Variants in BSN observed in about 807,000 individuals in gnomAD.
BSN encodes the protein protein bassoon.
Under a neutral mutation model 264.8 loss-of-function variants are expected in BSN, and 57 were observed. The observed-to-expected ratio is 0.22, with a 90% CI of 0.17 to 0.27. The LOEUF (loss-of-function observed/expected upper bound fraction) is 0.27, where lower values mean the gene tolerates loss of function less well. Ranked by LOEUF, BSN falls within the 10% of genes least tolerant of loss-of-function variation. BSN has a pLI of 1.00. For synonymous variants in BSN, 2,059 were observed against 2,137.3 expected (o/e 0.96, Z 1.01); for missense variants, 4,615 against 5,232.5 (o/e 0.88, Z 3.64).
At chr3:49,614,989 G>A (rs984655116) in intron 1 of BSN, among the ~76,000 whole-genome samples, 4 of 152,162 alleles carry the variant, frequency 2.6e-5, no homozygotes, top group Non-Finnish European at 5.9e-5. Flanking sequence ...GATGCTGGCA[G>A]CTTCTTCTAG....
chr3:49,592,626 CTGT>C (rs2051987950), intron 1 of BSN, among the ~76,000 whole-genome samples: 1 of 151,208 alleles, frequency 6.6e-6, no homozygotes, highest in South Asian at 2.1e-4. Flanking sequence ...TGGCGGGCGC[CTGT>C]AGTCCCAGCT....
chr3:49,656,323 C>G lies in BSN; in HGVS notation c.6767C>G (p.Thr2256Arg). The G allele has an allele frequency of 6.2e-7, 1 of 1,612,832 alleles. No individual in the cohort carries two copies. The highest frequency in any genetic ancestry group is 8.5e-7 in the Non-Finnish European group (1 of 1,179,752). The change falls in exon 5 of 12, where the codon ACA (threonine) becomes AGA (arginine). Residue 2256 changes from threonine to arginine, a missense_variant. Physicochemically the swap from Thr to Arg is moderately conservative, Grantham distance 71. Transcript: ENST00000296452. ...GCCCCCCGGGTACCTCTTGGACCCA[C>G]AGGGCTGTACCGCTATCCTGCACCA... ...MIAPRVPLGP[T>R]GLYRYPAPSR... is the part of the protein sequence containing the mutation.
chr3:49,661,627 G>A lies in BSN; in HGVS notation c.9782G>A (p.Ser3261Asn), dbSNP rs772079453. The change falls in exon 6 of 12, where the codon AGC becomes AAC. Residue 3261 changes from serine (S) to asparagine (N), a missense_variant. Physicochemically the swap from Ser to Asn is conservative, Grantham distance 46. Transcript: ENST00000296452. ...CGGCTGGAGCCCCTGGGGCCAGGCAGCAGTGGGCGTCCAGGGAAGGAGCCT... is the reference window on the plus strand; with the variant it reads ...CGGCTGGAGCCCCTGGGGCCAGGCAACAGTGGGCGTCCAGGGAAGGAGCCT... ...SQRLEPLGPGSSGRPGKEPGE... is the reference protein window; with the variant it reads ...SQRLEPLGPGNSGRPGKEPGE... 1 of 1,613,570 alleles carries A rather than the reference G, an allele frequency of 6.2e-7. No individual in the cohort carries two copies. Among genetic ancestry groups the A allele is most frequent in the South Asian group, 1.1e-5 (1 of 91,092 alleles).
chr3:49,579,154 ATTTTT>A (rs111577896), intron 1 of BSN, among the ~76,000 whole-genome samples: 1 of 141,808 alleles, frequency 7.1e-6, no homozygotes, highest in Non-Finnish European at 1.6e-5. Flanking sequence ...TGCCTGGCTA[ATTTTT>A]TTTTTTTTTT....
intron 1 of BSN, among the ~76,000 whole-genome samples, chr3:49,606,185 A>ATTATATATACATATATTATATATG (rs2052141516): frequency 6.1e-5 from 3 of 48,986 alleles, no homozygotes; most frequent in South Asian, 6.0e-4. Flanking sequence ...ATATGTATAT[A>ATTATATATACATATATTATATATG]TATTATATAT....
At chr3:49,664,905 T>TGG in intron 10 of BSN, 52 bp downstream of exon 10, 80 of 406,978 alleles carry the variant, frequency 2.0e-4, no homozygotes, top group East Asian at 4.4e-4. Context: ...CCCGAGGCAC[T>TGG]GGGGGTGGGG....
chr3:49,588,204 G>A (rs531041742), intron 1 of BSN, among the ~76,000 whole-genome samples: 5 of 152,178 alleles, frequency 3.3e-5, no homozygotes, highest in Admixed American at 3.3e-4. Context: ...TTACAGGTGT[G>A]AGCCACTGCA....
Position 49,663,468 on chromosome 3 carries a change from G to A in BSN, c.11310G>A (p.Gly3770=). Residue 3770 remains glycine (G), a synonymous_variant, in exon 7 of 12, where the codon GGG becomes GGA. Transcript: ENST00000296452. ...CATCATCCAGGCAAATACCCTCTGGGGCAGCATCACGCCAGCCACAGACAC... is the reference window on the plus strand; with the variant it reads ...CATCATCCAGGCAAATACCCTCTGGAGCAGCATCACGCCAGCCACAGACAC... ...QSPSSRQIPS[G]AASRQPQTQQ... The A allele has an allele frequency of 5.0e-6, 8 of 1,612,886 alleles. No homozygotes were observed. The highest frequency in any genetic ancestry group is 6.8e-6 in the Non-Finnish European group (8 of 1,179,986).
At chr3:49,621,927 A>G (rs1298157792) in intron 1 of BSN, among the ~76,000 whole-genome samples, 2 of 152,148 alleles carry the variant, frequency 1.3e-5, no homozygotes, top group African/African-American at 2.4e-5. Flanking sequence ...TGCTGTAAAG[A>G]AGAGGAGAGA....
At chr3:49,673,087 C>CTT (rs71080543), downstream of BSN, among the ~76,000 whole-genome samples, 350 of 43,202 alleles carry the variant, frequency 8.1e-3, 66 homozygotes, top group African/African-American at 0.026. Flanking sequence ...CCGGCCGGGA[C>CTT]TTTTTTTTTT....
At chr3:49,579,654 C>G (rs1489888305) in intron 1 of BSN, among the ~76,000 whole-genome samples, 2 of 151,912 alleles carry the variant, frequency 1.3e-5, no homozygotes, top group Non-Finnish European at 2.9e-5. Flanking sequence ...AACTCCTGAC[C>G]TCATGATCCA....
At chr3:49,611,339 T>G (rs2052205254) in intron 1 of BSN, among the ~76,000 whole-genome samples, 1 of 152,218 alleles carries the variant, frequency 6.6e-6, no homozygotes, top group African/African-American at 2.4e-5. Flanking sequence ...TCTCCCGATT[T>G]GAGCTTCCTA....
rs1559615475 is a variant in BSN at position 49,653,819 on chromosome 3, C to T, written c.4263C>T (p.His1421=). ...SPSSTAHSYG[H]SPTTANYGSQ... ...CTTCCACAGCCCACAGCTATGGACA[C>T]AGCCCAACCACTGCAAACTATGGGT... is the stretch of plus-strand genomic sequence containing the variant. Residue 1421 remains histidine (H), a synonymous_variant, in exon 5 of 12, where the codon CAC becomes CAT. Transcript: ENST00000296452. The surrounding 1 kb of genome is among the most constrained non-coding windows in gnomAD (Gnocchi z 6.3). The T allele has an allele frequency of 6.2e-7, 1 of 1,614,186 alleles. No homozygotes were observed. Among genetic ancestry groups the T allele is most frequent in the Non-Finnish European group, 8.5e-7 (1 of 1,180,034 alleles).
intron 6 of BSN, 36 bp from the exon 7 acceptor site, chr3:49,662,840 C>T (rs761948432): frequency 2.4e-5 from 37 of 1,526,028 alleles, no homozygotes; most frequent in Admixed American, 4.3e-5. Context: ...GCGGCTAGCC[C>T]GGGGGTTGAT....
In BSN at chr3:49,576,925, ACT is replaced by A. The variant is rs554750219; in HGVS notation, c.224+22101_224+22102del. Among the ~76,000 whole-genome samples the A allele has an allele frequency of 2.2e-4, 33 of 152,178 alleles. 1 individual carries two copies. Among genetic ancestry groups the A allele is most frequent in the Admixed American group, 1.4e-3 (22 of 15,282 alleles). ...ATATGCTGCCTGTGTCCCTTCAGAGACTCAACCCCAATCCGGAAGGAGGGTGG... is the reference window on the plus strand; with the variant it reads ...ATATGCTGCCTGTGTCCCTTCAGAGACAACCCCAATCCGGAAGGAGGGTGG... On this transcript the variant is annotated intron_variant, in intron 1 of 11. Coordinates refer to ENST00000296452, the MANE Select transcript of BSN (RefSeq NM_003458.4).
intron 1 of BSN, among the ~76,000 whole-genome samples, chr3:49,600,816 A>G (rs2052068140): frequency 6.6e-6 from 1 of 151,738 alleles, no homozygotes; most frequent in Non-Finnish European, 1.5e-5. Context: ...AAAAATAAAT[A>G]AGTAAATAAA....
At chr3:49,611,478 C>T (rs2052206249) in intron 1 of BSN, among the ~76,000 whole-genome samples, 1 of 152,150 alleles carries the variant, frequency 6.6e-6, no homozygotes, top group Non-Finnish European at 1.5e-5. Context: ...GTGACTTGGG[C>T]TGCATCAGAA....
intron 1 of BSN, among the ~76,000 whole-genome samples, chr3:49,571,728 C>T (rs188103903): frequency 1.3e-5 from 2 of 152,224 alleles, no homozygotes; most frequent in Non-Finnish European, 2.9e-5. Flanking sequence ...AACAAGCCGA[C>T]ATGTTCTAGA....
At chr3:49,639,096 T>G (rs2052441179) in intron 2 of BSN, among the ~76,000 whole-genome samples, 1 of 152,208 alleles carries the variant, frequency 6.6e-6, no homozygotes, top group African/African-American at 2.4e-5. Context: ...GAATGACCTT[T>G]CTAAAGAGGT....
Sources: allele counts gnomAD v4.1 joint callset (sites outside exome capture counted in the v4.1 genomes callset), GRCh38; gene constraint gnomAD v4.1.1; non-coding constraint Gnocchi (gnomAD v3.1); transcripts MANE v1.5; gene names NCBI Gene and HGNC (gene_info 2026-07-23, HGNC 2026-07-21).